The following RELN variants were observed in gnomAD, a reference collection of about 807,000 sequenced individuals.
The protein encoded by RELN is reelin.
RELN carries 108 observed loss-of-function variants against 427.6 expected under a neutral mutation model. That is an observed-to-expected ratio of 0.25 (90% CI 0.22 to 0.30). The LOEUF (loss-of-function observed/expected upper bound fraction) is 0.30, where lower values mean the gene tolerates loss of function less well. RELN is among the 10% of genes least tolerant of loss of function. The pLI, the probability that RELN is intolerant of heterozygous loss-of-function variation, is 1.00. For synonymous variants in RELN, 1,524 were observed against 1,513.4 expected (o/e 1.01, Z -0.16); for missense variants, 3,715 against 4,302.8 (o/e 0.86, Z 3.82).
At position 103,503,269 on chromosome 7, in the gene RELN, TATGATATG is replaced by T. The variant is rs532846105; in HGVS notation, c.8275-47_8275-40del. ...AAACAAGATCAAGGTATTAAAACTA[TATGATATG>T]ATTCTTCTCCAAGGACTTGGCAGCA... is the stretch of plus-strand genomic sequence containing the variant. On this transcript the variant is annotated intron_variant, in intron 51 of 64. Transcript: ENST00000428762. 1.2e-3 allele frequency: 1,901 copies of T among 1,578,224 alleles called. 1 individual carries two copies. The highest frequency in any genetic ancestry group is 1.3e-3 in the Non-Finnish European group (1,453 of 1,148,864).
At chr7:103,578,992 A>G (rs1309914155) in intron 28 of RELN, among the ~76,000 whole-genome samples, 1 of 152,210 alleles carries the variant, frequency 6.6e-6, no homozygotes, top group African/African-American at 2.4e-5. Context: ...TTTATTCCTT[A>G]TTCAACATCC....
chr7:103,865,693 C>T lies in RELN; in HGVS notation c.338-32021G>A, dbSNP rs563378352. 2.0e-5 allele frequency among the ~76,000 whole-genome samples: 3 copies of T among 152,120 alleles called. No individual in the cohort carries two copies. The East Asian group carries it at 5.8e-4, about 29-fold the overall frequency. On this transcript the variant is annotated intron_variant, in intron 2 of 64. Coordinates refer to ENST00000428762, the MANE Select transcript of RELN (RefSeq NM_005045.4). The stretch of plus-strand genomic sequence containing the variant: ...GATGCAGAAAAAGCATGACAAAATC[C>T]GAAATTCTTTCATGATAAAAACTCT...
intron 3 of RELN, among the ~76,000 whole-genome samples, chr7:103,787,888 A>C (rs1403706530): frequency 6.6e-6 from 1 of 152,108 alleles, no homozygotes; most frequent in African/African-American, 2.4e-5. Flanking sequence ...CAAAAAAAGA[A>C]AATTTCAGGC....
chr7:103,488,273 G>A (rs982550398), intron 60 of RELN, among the ~76,000 whole-genome samples: 4 of 152,176 alleles, frequency 2.6e-5, no homozygotes, highest in Non-Finnish European at 5.9e-5. Context: ...ATTAGCAAAC[G>A]TGTATGTGCT....
At chr7:103,944,963 A>T (rs1390389549) in intron 1 of RELN, among the ~76,000 whole-genome samples, 7 of 152,234 alleles carry the variant, frequency 4.6e-5, no homozygotes. Context: ...GAAGTAAAAA[A>T]TCCCAGTCCC....
intron 6 of RELN, among the ~76,000 whole-genome samples, chr7:103,746,969 G>T (rs1790852900): frequency 6.6e-6 from 1 of 152,174 alleles, no homozygotes; most frequent in East Asian, 1.9e-4. Context: ...GCACACGTAT[G>T]TTTATAGCAG....
chr7:103,881,134 T>C (rs1794597601), intron 2 of RELN, among the ~76,000 whole-genome samples: 1 of 152,194 alleles, frequency 6.6e-6, no homozygotes, highest in Non-Finnish European at 1.5e-5. Context: ...TTCAATTCCC[T>C]ACCACCTATT....
intron 47 of RELN, 38 bp downstream of exon 47, chr7:103,523,353 A>G: frequency 6.2e-7 from 1 of 1,613,496 alleles, no homozygotes; most frequent in South Asian, 1.1e-5. Context: ...AATGTGAATC[A>G]GGAGCTTTCA....
intron 2 of RELN, among the ~76,000 whole-genome samples, chr7:103,847,652 G>T (rs1793713102): frequency 1.3e-5 from 2 of 152,120 alleles, no homozygotes; most frequent in Non-Finnish European, 2.9e-5. Context: ...GAAGAGACAG[G>T]CTTGAGAATA....
intron 2 of RELN, among the ~76,000 whole-genome samples, chr7:103,850,202 A>ACC (rs1793788402): frequency 6.6e-6 from 1 of 152,196 alleles, no homozygotes; most frequent in Non-Finnish European, 1.5e-5. Flanking sequence ...ATATGAGAGG[A>ACC]CCCACAGATG....
At chr7:103,582,402 A>G (rs1263792970) in intron 28 of RELN, among the ~76,000 whole-genome samples, 1 of 152,260 alleles carries the variant, frequency 6.6e-6, no homozygotes, top group Non-Finnish European at 1.5e-5. Context: ...TGCCACCTAC[A>G]CAACAAATTT....
chr7:103,943,866 AAAAG>A (rs1796165456), intron 1 of RELN, among the ~76,000 whole-genome samples: 1 of 151,600 alleles, frequency 6.6e-6, no homozygotes. Context: ...AAAAAAAAAA[AAAAG>A]AATTGGAAAT....
At chr7:103,719,025 AAGAG>A (rs1456099011) in intron 8 of RELN, among the ~76,000 whole-genome samples, 1 of 152,192 alleles carries the variant, frequency 6.6e-6, no homozygotes, top group Non-Finnish European at 1.5e-5. Context: ...TCTATTGCTC[AAGAG>A]AGAAAGAGGT....
rs756854888 is a variant in RELN at position 103,489,752 on chromosome 7, C to T, written c.9753G>A (p.Glu3251=). The change falls in exon 60 of 65, where the codon GAG becomes GAA. Residue 3251 remains glutamate (E), a synonymous_variant. Coordinates refer to ENST00000428762, the MANE Select transcript of RELN (RefSeq NM_005045.4). ...GCCTGGGATTCAGACCTTGGAAGCTCTCGTCGCAGATGCAGATGGCACCGG... is the reference window on the plus strand; with the variant it reads ...GCCTGGGATTCAGACCTTGGAAGCTTTCGTCGCAGATGCAGATGGCACCGG... ...CTTGAICICD[E]SFQGDDCSVF... is the part of the protein sequence containing the mutation. 3 of 1,614,044 alleles carry T rather than the reference C, an allele frequency of 1.9e-6. No individual in the cohort carries two copies. Among genetic ancestry groups the T allele is most frequent in the Admixed American group, 1.7e-5 (1 of 60,010 alleles).
chr7:103,772,972 G>A (rs1011188644), intron 4 of RELN, among the ~76,000 whole-genome samples: 1 of 152,040 alleles, frequency 6.6e-6, no homozygotes, highest in African/African-American at 2.4e-5. Context: ...TTCTGTAAAG[G>A]CACCATGAAA....
At chr7:103,535,608 T>G in intron 45 of RELN, 124 bp from the exon 46 acceptor site, 1 of 822,580 alleles carries the variant, frequency 1.2e-6, no homozygotes, top group Admixed American at 2.3e-5. Flanking sequence ...TTCCCTACAC[T>G]TATATTTCCT....
At chr7:103,877,768 C>A (rs1413925412) in intron 2 of RELN, among the ~76,000 whole-genome samples, 1 of 152,024 alleles carries the variant, frequency 6.6e-6, no homozygotes, top group East Asian at 1.9e-4. Context: ...ATTCAAACTG[C>A]AGTACTCTCT....
At chr7:103,905,370 G>A (rs540243435) in intron 2 of RELN, among the ~76,000 whole-genome samples, 19 of 152,176 alleles carry the variant, frequency 1.2e-4, no homozygotes, top group African/African-American at 4.3e-4. Context: ...TGGACAAAGC[G>A]GTAGCCAGGA....
At chr7:103,752,196 A>G (rs112881568) in intron 5 of RELN, among the ~76,000 whole-genome samples, 1,881 of 152,286 alleles carry the variant, frequency 0.012, 47 homozygotes, top group African/African-American at 0.044. Context: ...TACTTTGCAG[A>G]TGAGAAAACT....
Sources: gnomAD v4.1 joint callset for allele counts (sites outside exome capture counted in the v4.1 genomes callset) on GRCh38, gnomAD v4.1.1 for gene constraint, MANE v1.5 for transcripts, NCBI Gene and HGNC (gene_info 2026-07-23, HGNC 2026-07-21) for gene names.